The following GALNTL6 variants were observed in gnomAD, a reference collection of about 807,000 sequenced individuals.
GALNTL6 encodes polypeptide N-acetylgalactosaminyltransferase-like 6.
Under a neutral mutation model 73.7 loss-of-function variants are expected in GALNTL6, and 46 were observed. That is an observed-to-expected ratio of 0.62 (90% confidence interval 0.49 to 0.80). The LOEUF (loss-of-function observed/expected upper bound fraction) is 0.80, where lower values mean the gene tolerates loss of function less well. Ranked by LOEUF, GALNTL6 falls within the 30% of genes least tolerant of loss-of-function variation. The probability of loss-of-function intolerance (pLI) is 0.00; values close to 1 mark genes in which losing one functional copy is unlikely to be tolerated. For synonymous variants in GALNTL6, 259 were observed against 263.7 expected (o/e 0.98, Z 0.17); for missense variants, 604 against 755.0 (o/e 0.80, Z 2.34).
intron 2 of GALNTL6, among the ~76,000 whole-genome samples, chr4:171,827,581 G>A (rs1050357757): frequency 1.3e-5 from 2 of 152,114 alleles, no homozygotes; most frequent in African/African-American, 2.4e-5. Context: ...CCCTCCTTAC[G>A]ATATGAACCA....
intron 5 of GALNTL6, among the ~76,000 whole-genome samples, chr4:172,609,377 C>T (rs1250491711): frequency 6.6e-6 from 1 of 152,044 alleles, no homozygotes; most frequent in Non-Finnish European, 1.5e-5. Context: ...TATCAAAAGC[C>T]TTTTCTGCAT....
intron 2 of GALNTL6, among the ~76,000 whole-genome samples, chr4:171,850,113 G>A (rs552120532): frequency 3.3e-5 from 5 of 152,108 alleles, no homozygotes; most frequent in East Asian, 1.9e-4. Flanking sequence ...TTACAGGCGC[G>A]TGCCAACACA....
chr4:172,517,844 T>G (rs1196865550), intron 5 of GALNTL6, among the ~76,000 whole-genome samples: 1 of 152,090 alleles, frequency 6.6e-6, no homozygotes, highest in Non-Finnish European at 1.5e-5. Flanking sequence ...CAGGCTAAAT[T>G]AAAAGAGCAT....
chr4:172,468,052 C>T (rs1732900867), intron 5 of GALNTL6, among the ~76,000 whole-genome samples: 1 of 151,818 alleles, frequency 6.6e-6, no homozygotes, highest in African/African-American at 2.4e-5. Flanking sequence ...ACCACCACAC[C>T]CTGCTATTTA....
At chr4:172,743,423 T>G (rs1348720463) in intron 5 of GALNTL6, among the ~76,000 whole-genome samples, 2 of 152,038 alleles carry the variant, frequency 1.3e-5, no homozygotes, top group Non-Finnish European at 2.9e-5. Context: ...TGCCTTGTTT[T>G]TGGGGGTAGA....
chr4:172,091,821 A>T (rs970642939), intron 2 of GALNTL6, among the ~76,000 whole-genome samples: 78 of 152,238 alleles, frequency 5.1e-4, no homozygotes, highest in Admixed American at 5.1e-3. Context: ...AGCTATAGAT[A>T]GCTGAAGAGA....
intron 11 of GALNTL6, among the ~76,000 whole-genome samples, chr4:173,020,727 G>T (rs991875891): frequency 6.6e-6 from 1 of 152,196 alleles, no homozygotes; most frequent in Non-Finnish European, 1.5e-5. Flanking sequence ...GGCAAACTGT[G>T]TAGGATTTGT....
chr4:172,816,861 T>G (rs2332629), intron 7 of GALNTL6, among the ~76,000 whole-genome samples: 1 of 151,720 alleles, frequency 6.6e-6, no homozygotes, highest in African/African-American at 2.4e-5. Flanking sequence ...ATTCCCAGCA[T>G]TTTGGGAGGC....
At chr4:172,530,617 G>A (rs900722109) in intron 5 of GALNTL6, among the ~76,000 whole-genome samples, 16 of 152,130 alleles carry the variant, frequency 1.1e-4, no homozygotes, top group African/African-American at 3.9e-4. Flanking sequence ...AATATTCAAG[G>A]CACACTTAAA....
intron 5 of GALNTL6, among the ~76,000 whole-genome samples, chr4:172,641,253 T>A (rs1416421903): frequency 6.6e-6 from 1 of 152,116 alleles, no homozygotes; most frequent in Non-Finnish European, 1.5e-5. Context: ...ATAAGTGATC[T>A]TTTTAAGACA....
intron 2 of GALNTL6, among the ~76,000 whole-genome samples, chr4:171,890,604 T>G (rs1323192500): frequency 6.6e-6 from 1 of 152,174 alleles, no homozygotes; most frequent in Non-Finnish European, 1.5e-5. Flanking sequence ...CTAATGAAGA[T>G]CTTCAAATTA....
intron 5 of GALNTL6, among the ~76,000 whole-genome samples, chr4:172,735,089 C>T (rs192934606): frequency 6.2e-4 from 94 of 152,180 alleles, no homozygotes; most frequent in African/African-American, 2.0e-3. Context: ...CACTGCCTAG[C>T]GGAGCTATGA....
intron 7 of GALNTL6, among the ~76,000 whole-genome samples, chr4:172,817,599 AC>A (rs1741679908): frequency 6.6e-6 from 1 of 152,166 alleles, no homozygotes; most frequent in African/African-American, 2.4e-5. Context: ...AATTCAGGGC[AC>A]TTAGCAATGA....
intron 10 of GALNTL6, among the ~76,000 whole-genome samples, chr4:172,984,884 C>T (rs1280264838): frequency 1.3e-5 from 2 of 152,132 alleles, no homozygotes; most frequent in African/African-American, 4.8e-5. Flanking sequence ...TAATAATGAA[C>T]ATTTTTTATG....
chr4:172,470,248 T>C (rs1732996993), intron 5 of GALNTL6, among the ~76,000 whole-genome samples: 1 of 152,142 alleles, frequency 6.6e-6, no homozygotes, highest in Admixed American at 6.5e-5. Flanking sequence ...TCACAGAAGC[T>C]GGAAAAGAGG....
At chr4:172,954,864 G>C (rs942044145) in intron 10 of GALNTL6, among the ~76,000 whole-genome samples, 1 of 152,108 alleles carries the variant, frequency 6.6e-6, no homozygotes, top group Non-Finnish European at 1.5e-5. Context: ...GTTTAGGAAA[G>C]AAGAAAATGG....
chr4:171,973,097 C>T (rs1283709505), intron 2 of GALNTL6, among the ~76,000 whole-genome samples: 4 of 152,176 alleles, frequency 2.6e-5, no homozygotes, highest in South Asian at 4.1e-4. Context: ...CATACACACA[C>T]TTCTATGAAG....
chr4:172,231,449 C>T (rs1458080252), intron 3 of GALNTL6, among the ~76,000 whole-genome samples: 1 of 152,056 alleles, frequency 6.6e-6, no homozygotes, highest in African/African-American at 2.4e-5. Context: ...TAAATTTTAT[C>T]CAAGTTCAAG....
chr4:172,214,767 C>A (rs1032800401), intron 2 of GALNTL6, among the ~76,000 whole-genome samples: 1 of 151,998 alleles, frequency 6.6e-6, no homozygotes, highest in East Asian at 1.9e-4. Flanking sequence ...CCTGCCTTGG[C>A]CTCTCAAAGT....
Sources: allele counts gnomAD v4.1 joint callset (sites outside exome capture counted in the v4.1 genomes callset), GRCh38; gene constraint gnomAD v4.1.1; transcripts MANE v1.5; gene names NCBI Gene and HGNC (gene_info 2026-07-23, HGNC 2026-07-21).